KCNQ3: variants seen among roughly 807,000 people sequenced by gnomAD.
KCNQ3 encodes potassium voltage-gated channel subfamily Q member 3, also known as potassium voltage-gated channel subfamily KQT member 3.
KCNQ3 carries 30 observed loss-of-function variants against 92.5 expected under a neutral mutation model. That is an observed-to-expected ratio of 0.32 (90% CI 0.24 to 0.44). The LOEUF (loss-of-function observed/expected upper bound fraction) is 0.44, where lower values mean the gene tolerates loss of function less well. Ranked by LOEUF, KCNQ3 falls within the 20% of genes least tolerant of loss-of-function variation. KCNQ3 has a pLI of 1.00. For synonymous variants in KCNQ3, 450 were observed against 468.8 expected (o/e 0.96, Z 0.52); for missense variants, 913 against 1,140.3 (o/e 0.80, Z 2.87).
chr8:132,392,631 G>A (rs948141598), intron 1 of KCNQ3, among the ~76,000 whole-genome samples: 4 of 151,680 alleles, frequency 2.6e-5, no homozygotes, highest in African/African-American at 9.7e-5. Context: ...GCAAGACCCT[G>A]ACTCTACAAT....
At chr8:132,168,459 T>G (rs1247572538) in intron 8 of KCNQ3, among the ~76,000 whole-genome samples, 3 of 151,838 alleles carry the variant, frequency 2.0e-5, no homozygotes. Flanking sequence ...GTGGACGGAG[T>G]GCCCTGAGTG....
At chr8:132,474,041 G>A (rs1026311350) in intron 1 of KCNQ3, among the ~76,000 whole-genome samples, 1 of 152,176 alleles carries the variant, frequency 6.6e-6, no homozygotes, top group Non-Finnish European at 1.5e-5. Context: ...GATCACAGCT[G>A]GCTGTGGCAA....
At chr8:132,333,645 A>G (rs1001890565) in intron 1 of KCNQ3, among the ~76,000 whole-genome samples, 2 of 152,078 alleles carry the variant, frequency 1.3e-5, no homozygotes, top group African/African-American at 2.4e-5. Flanking sequence ...ATGATACTAC[A>G]TATTCTCTTG....
intron 1 of KCNQ3, among the ~76,000 whole-genome samples, chr8:132,394,301 T>A (rs927059459): frequency 6.6e-6 from 1 of 152,158 alleles, no homozygotes; most frequent in African/African-American, 2.4e-5. Context: ...GAAAGCTGAG[T>A]TAAAGGGCAT....
chr8:132,180,476 C>A, intron 3 of KCNQ3, 147 bp from the exon 4 acceptor site: 1 of 796,724 alleles, frequency 1.3e-6, no homozygotes, highest in Non-Finnish European at 2.1e-6. Flanking sequence ...ATCTTGCCAC[C>A]AACAACACAT....
intron 1 of KCNQ3, among the ~76,000 whole-genome samples, chr8:132,439,318 A>C (rs1166859614): frequency 6.6e-6 from 1 of 151,998 alleles, no homozygotes; most frequent in Admixed American, 6.6e-5. Context: ...TGCCCATTTT[A>C]AAGATGGAAG....
At chr8:132,399,640 A>C (rs1244111245) in intron 1 of KCNQ3, among the ~76,000 whole-genome samples, 1 of 152,240 alleles carries the variant, frequency 6.6e-6, no homozygotes, top group Non-Finnish European at 1.5e-5. Flanking sequence ...TCCCATTAGA[A>C]TGAATCATTC....
chr8:132,182,884 A>G (rs62519595), intron 3 of KCNQ3, among the ~76,000 whole-genome samples: 6,677 of 81,860 alleles, frequency 0.082, 180 homozygotes, highest in African/African-American at 0.094. Flanking sequence ...CCAATATCGC[A>G]CACACACACA....
At chr8:132,177,421 G>T (rs772569129) in intron 4 of KCNQ3, among the ~76,000 whole-genome samples, 6 of 152,136 alleles carry the variant, frequency 3.9e-5, no homozygotes, top group Non-Finnish European at 7.4e-5. Context: ...AAGGGACTGG[G>T]GTCCAGCCAA....
chr8:132,350,780 G>A (rs768887556), intron 1 of KCNQ3, among the ~76,000 whole-genome samples: 4 of 152,176 alleles, frequency 2.6e-5, no homozygotes, highest in Non-Finnish European at 5.9e-5. Context: ...TGGAGGAAAT[G>A]TTACCAAACC....
chr8:132,240,865 A>G (rs1402486263), intron 1 of KCNQ3, among the ~76,000 whole-genome samples: 1 of 150,718 alleles, frequency 6.6e-6, no homozygotes, highest in East Asian at 2.0e-4. Context: ...TTAATTCTCA[A>G]AACAACCCAA....
intron 8 of KCNQ3, 26 bp downstream of exon 8, chr8:132,170,308 G>T: frequency 6.5e-7 from 1 of 1,535,596 alleles, no homozygotes; most frequent in South Asian, 1.1e-5. Flanking sequence ...GTCACGCCCT[G>T]AGCATTCAGG....
At chr8:132,470,281 T>C (rs1410885947) in intron 1 of KCNQ3, among the ~76,000 whole-genome samples, 1 of 152,254 alleles carries the variant, frequency 6.6e-6, no homozygotes, top group East Asian at 1.9e-4. Context: ...TGTGTGTTTG[T>C]GTGTGTTGAG....
chr8:132,216,419 C>T (rs1288453127), intron 1 of KCNQ3, among the ~76,000 whole-genome samples: 1 of 152,192 alleles, frequency 6.6e-6, no homozygotes, highest in African/African-American at 2.4e-5. Flanking sequence ...AAGGAGTCAC[C>T]TGCAGGGTTT....
At chr8:132,355,677 G>C (rs901856893) in intron 1 of KCNQ3, among the ~76,000 whole-genome samples, 6 of 152,168 alleles carry the variant, frequency 3.9e-5, no homozygotes, top group African/African-American at 1.4e-4. Flanking sequence ...AATGCTGGTG[G>C]GATCTGAGTG....
intron 1 of KCNQ3, among the ~76,000 whole-genome samples, chr8:132,209,197 C>T (rs62519645): frequency 0.035 from 5,398 of 152,216 alleles, 161 homozygotes; most frequent in Non-Finnish European, 0.053. Flanking sequence ...AATGGGTGGT[C>T]AGACTTCCCA....
intron 9 of KCNQ3, among the ~76,000 whole-genome samples, chr8:132,162,830 A>G (rs1010250679): frequency 6.6e-6 from 1 of 151,490 alleles, no homozygotes; most frequent in Non-Finnish European, 1.5e-5. Context: ...CCTCTGCCCA[A>G]ATTCTGTCAG....
intron 1 of KCNQ3, chr8:132,447,098 A>G (rs747236931): frequency 4.2e-5 from 43 of 1,027,884 alleles, no homozygotes; most frequent in Non-Finnish European, 6.2e-5. Context: ...CTTGGTCCCC[A>G]AATAAGCTAT....
At chr8:132,240,182 C>CTTT (rs11342824) in intron 1 of KCNQ3, among the ~76,000 whole-genome samples, 387 of 111,736 alleles carry the variant, frequency 3.5e-3, no homozygotes, top group Middle Eastern at 6.0e-3. Flanking sequence ...TGCCATGATT[C>CTTT]TTTTTTTTTT....
Sources: allele counts gnomAD v4.1 joint callset (sites outside exome capture counted in the v4.1 genomes callset), GRCh38; gene constraint gnomAD v4.1.1; transcripts MANE v1.5; gene names NCBI Gene and HGNC (gene_info 2026-07-23, HGNC 2026-07-21).